The following ABLIM1 variants were observed in gnomAD, a reference collection of about 807,000 sequenced individuals.
The protein encoded by ABLIM1 is actin binding LIM protein 1.
In ABLIM1, 40 loss-of-function variants were observed where a neutral mutation model predicts 107.0. The ratio of observed to expected loss-of-function variants is 0.37; its 90% CI spans 0.29 to 0.49. ABLIM1 has a LOEUF of 0.49. Among genes scored for constraint, ABLIM1 ranks in the 20% least tolerant of loss-of-function variants. The probability of loss-of-function intolerance (pLI) is 0.97; values close to 1 mark genes in which losing one functional copy is unlikely to be tolerated. For synonymous variants in ABLIM1, 357 were observed against 357.3 expected (o/e 1.00, Z 0.01); for missense variants, 857 against 1,008.5 (o/e 0.85, Z 2.04).
chr10:114,602,237 A>T (rs1215534454), intron 1 of ABLIM1, among the ~76,000 whole-genome samples: 5 of 152,128 alleles, frequency 3.3e-5, no homozygotes, highest in Admixed American at 3.3e-4. Flanking sequence ...GACTTCATTG[A>T]ACTATTGAAT....
Position 114,657,968 on chromosome 10 carries a change from A to T in ABLIM1, c.233T>A (p.Val78Asp), listed in dbSNP as rs1473255508. 6.2e-7 allele frequency: 1 copy of T among 1,612,652 alleles called. No homozygotes were observed. Among genetic ancestry groups the T allele is most frequent in the Non-Finnish European group, 8.5e-7 (1 of 1,178,900 alleles). The change falls in exon 1 of 23, where the codon GTT becomes GAT. Residue 78 changes from valine (V) to aspartate (D), a missense_variant. Physicochemically the swap from Val to Asp is radical, Grantham distance 152. Transcript: ENST00000533213. ...YCPRGRVCNSVDPFVAHPQDP... is the reference protein window; with the variant it reads ...YCPRGRVCNSDDPFVAHPQDP... ...GTTATTTTACTTACCAAAAGGATCAACGCTGTTACATACACGCCCACGTGG... is the reference window on the plus strand; with the variant it reads ...GTTATTTTACTTACCAAAAGGATCATCGCTGTTACATACACGCCCACGTGG...
At chr10:114,730,397 C>CAAAAAAAAAAAAAAAAAAAAAAAAAA (rs59713925) in intron 1 of ABLIM1, among the ~76,000 whole-genome samples, 2 of 73,144 alleles carry the variant, frequency 2.7e-5, no homozygotes, top group Non-Finnish European at 5.6e-5. Flanking sequence ...AACTCCATCT[C>CAAAAAAAAAAAAAAAAAAAAAAAAAA]AAAAAAAAAA....
intron 1 of ABLIM1, among the ~76,000 whole-genome samples, chr10:114,692,662 C>T (rs756217828): frequency 3.9e-5 from 6 of 152,070 alleles, no homozygotes; most frequent in Admixed American, 6.6e-5. Flanking sequence ...GAGGCCAAGG[C>T]GGGCAGATCA....
At chr10:114,709,180 T>C (rs1228224733) in intron 1 of ABLIM1, among the ~76,000 whole-genome samples, 4 of 152,156 alleles carry the variant, frequency 2.6e-5, no homozygotes, top group African/African-American at 9.7e-5. Flanking sequence ...AGTCATGATA[T>C]GGAAATGCAA....
At chr10:114,638,155 G>A (rs573377938) in intron 1 of ABLIM1, among the ~76,000 whole-genome samples, 3 of 152,322 alleles carry the variant, frequency 2.0e-5, no homozygotes, top group South Asian at 2.1e-4. Context: ...AAGGCACAAA[G>A]TAGGAATGCA....
intron 15 of ABLIM1, among the ~76,000 whole-genome samples, chr10:114,447,572 A>G (rs536366582): frequency 1.3e-5 from 2 of 152,288 alleles, no homozygotes; most frequent in East Asian, 3.9e-4. Flanking sequence ...TCACTCAACT[A>G]TGTTCAACAG....
Position 114,727,545 on chromosome 10 carries a change from C to T in ABLIM1, c.-213+40516G>A, listed in dbSNP as rs79843842. ...CATAATAGGAAAAGTCAAACTGAAA[C>T]TTTTAGAAGAGAATACAGAATAGCT... On this transcript the variant is annotated intron_variant, in intron 1 of 15. Coordinates refer to the ABLIM1 transcript ENST00000651092. Among the ~76,000 whole-genome samples, 1,516 of 152,188 alleles carry T rather than the reference C, an allele frequency of 1.0e-2. 25 individuals are homozygous for T. The highest frequency in any genetic ancestry group is 0.033 in the African/African-American group (1,385 of 41,518).
chr10:114,742,396 G>A (rs1566293924), intron 1 of ABLIM1, among the ~76,000 whole-genome samples: 1 of 152,144 alleles, frequency 6.6e-6, no homozygotes, highest in Non-Finnish European at 1.5e-5. Flanking sequence ...TACAAAAAAA[G>A]AGGGAAGATG....
intron 7 of ABLIM1, among the ~76,000 whole-genome samples, chr10:114,488,360 T>C (rs2058476102): frequency 6.6e-6 from 1 of 152,236 alleles, no homozygotes; most frequent in South Asian, 2.1e-4. Context: ...GAGTGCTTAC[T>C]ACAAGCTGCA....
intron 6 of ABLIM1, among the ~76,000 whole-genome samples, chr10:114,522,241 G>C (rs541078437): frequency 6.6e-6 from 1 of 152,124 alleles, no homozygotes; most frequent in Non-Finnish European, 1.5e-5. Flanking sequence ...AAACCCAGTC[G>C]AACACATGTT....
the ABLIM1 span, among the ~76,000 whole-genome samples, chr10:114,797,175 T>G: frequency 6.6e-6 from 1 of 152,194 alleles, no homozygotes; most frequent in Non-Finnish European, 1.5e-5. Flanking sequence ...AATTGTCACA[T>G]CTACTTTCTC....
chr10:114,513,937 G>C (rs775031951), intron 6 of ABLIM1, among the ~76,000 whole-genome samples: 27 of 152,248 alleles, frequency 1.8e-4, no homozygotes, highest in Non-Finnish European at 3.4e-4. Context: ...ATCCAAGCCT[G>C]CAAAGTTTTC....
At chr10:114,481,462 G>A (rs534445163) in intron 8 of ABLIM1, among the ~76,000 whole-genome samples, 1 of 151,870 alleles carries the variant, frequency 6.6e-6, no homozygotes, top group South Asian at 2.1e-4. Flanking sequence ...ACTAAGTCCT[G>A]TTGATGTGGA....
intron 4 of ABLIM1, among the ~76,000 whole-genome samples, chr10:114,562,824 C>A (rs2138377836): frequency 6.6e-6 from 1 of 152,234 alleles, no homozygotes; most frequent in South Asian, 2.1e-4. Context: ...TTGCTAGGTG[C>A]ACAGTGCTAT....
intron 10 of ABLIM1, among the ~76,000 whole-genome samples, chr10:114,472,625 A>G (rs1012018893): frequency 1.3e-5 from 2 of 152,114 alleles, no homozygotes; most frequent in South Asian, 4.1e-4. Context: ...TCATGATGCC[A>G]TGAATATACT....
intron 1 of ABLIM1, among the ~76,000 whole-genome samples, chr10:114,603,606 A>T (rs532552880): frequency 6.6e-6 from 1 of 151,720 alleles, no homozygotes; most frequent in South Asian, 2.1e-4. Flanking sequence ...AGTGATGTGT[A>T]TGAAGGCCAA....
chr10:114,464,956 T>C (rs2064831419), intron 12 of ABLIM1, among the ~76,000 whole-genome samples: 1 of 152,086 alleles, frequency 6.6e-6, no homozygotes, highest in Non-Finnish European at 1.5e-5. Flanking sequence ...TCTCCATTCT[T>C]CTCCCACTAC....
chr10:114,531,580 C>G (rs946390936), intron 6 of ABLIM1, among the ~76,000 whole-genome samples: 7 of 152,168 alleles, frequency 4.6e-5, no homozygotes, highest in African/African-American at 1.7e-4. Context: ...TGCAGTGATG[C>G]GATCTCAGCT....
intron 8 of ABLIM1, among the ~76,000 whole-genome samples, chr10:114,479,576 A>G (rs2057028530): frequency 6.6e-6 from 1 of 152,128 alleles, no homozygotes; most frequent in African/African-American, 2.4e-5. Flanking sequence ...ATGACCTTGC[A>G]CAGTCTGTCT....
Sources: gnomAD v4.1 joint callset for allele counts (sites outside exome capture counted in the v4.1 genomes callset) on GRCh38, gnomAD v4.1.1 for gene constraint, MANE v1.5 for transcripts, NCBI Gene and HGNC (gene_info 2026-07-23, HGNC 2026-07-21) for gene names.